Variants in RBM46 observed in about 807,000 individuals in gnomAD.
RBM46 encodes the protein probable RNA-binding protein 46.
Under a neutral mutation model 43.3 loss-of-function variants are expected in RBM46, and 12 were observed. The ratio of observed to expected loss-of-function variants is 0.28; its 90% CI spans 0.18 to 0.45. RBM46 has a LOEUF of 0.45. RBM46 is among the 20% of genes least tolerant of loss of function. The pLI is 1.00. For missense variants in RBM46, 412 were observed against 639.1 expected, an observed-to-expected ratio of 0.64 and a Z score of 3.83; for synonymous variants, 205 against 207.6, an observed-to-expected ratio of 0.99 and a Z score of 0.11.
intron 4 of RBM46, among the ~76,000 whole-genome samples, chr4:154,818,164 A>C (rs1735547793): frequency 6.6e-6 from 1 of 152,182 alleles, no homozygotes; most frequent in African/African-American, 2.4e-5. Context: ...ATATTGATTT[A>C]CACATTTATC....
chr4:154,801,422 C>G (rs1734633675), intron 4 of RBM46, among the ~76,000 whole-genome samples: 1 of 152,086 alleles, frequency 6.6e-6, no homozygotes, highest in Non-Finnish European at 1.5e-5. Context: ...TCTATTGATG[C>G]ACAAAATAGA....
intron 4 of RBM46, among the ~76,000 whole-genome samples, chr4:154,818,750 A>G (rs1475215123): frequency 1.3e-5 from 2 of 151,966 alleles, no homozygotes; most frequent in African/African-American, 4.8e-5. Flanking sequence ...TATTGATTAT[A>G]TTTCTTCTGT....
At chr4:154,823,907 T>C (rs1735833290) in intron 4 of RBM46, among the ~76,000 whole-genome samples, 1 of 152,040 alleles carries the variant, frequency 6.6e-6, no homozygotes, top group Non-Finnish European at 1.5e-5. Context: ...TCTTTCTGAA[T>C]CTAGAATTCC....
chr4:154,824,474 A>G (rs1457536759), intron 4 of RBM46, among the ~76,000 whole-genome samples: 2 of 152,136 alleles, frequency 1.3e-5, no homozygotes, highest in Non-Finnish European at 2.9e-5. Context: ...CAAATAGATA[A>G]TGAAATTGAA....
intron 4 of RBM46, among the ~76,000 whole-genome samples, chr4:154,810,584 G>A (rs1244429236): frequency 6.6e-6 from 1 of 152,130 alleles, no homozygotes; most frequent in Non-Finnish European, 1.5e-5. Context: ...AAAGAGCAAA[G>A]TTTTAAGGAG....
At chr4:154,825,670 A>G (rs1735923176) in intron 4 of RBM46, among the ~76,000 whole-genome samples, 1 of 152,206 alleles carries the variant, frequency 6.6e-6, no homozygotes, top group African/African-American at 2.4e-5. Flanking sequence ...CTTAAGTTCA[A>G]GGTTTACAGT....
rs1021715898 is a variant in RBM46 at position 154,826,427 on chromosome 4, C to T, written c.1403-1441C>T. Among the ~76,000 whole-genome samples, 68 of 152,062 alleles carry T rather than the reference C, an allele frequency of 4.5e-4. 1 individual carries two copies. The highest frequency in any genetic ancestry group is 1.5e-4 in the Non-Finnish European group (10 of 68,026). ...GAGCTGAGACCGCACCATTGCACCC[C>T]AGCTTGGGCAACAAGAGTGAAACTC... On this transcript the variant is annotated intron_variant, in intron 4 of 4. Transcript: ENST00000281722.
In RBM46 at chr4:154,798,106, C is replaced by T; in HGVS notation, c.447C>T (p.Pro149=). The T allele has an allele frequency of 1.9e-6, 3 of 1,613,480 alleles. No homozygotes were observed. Among genetic ancestry groups the T allele is most frequent in the Non-Finnish European group, 2.5e-6 (3 of 1,179,822 alleles). Residue 149 remains proline (P), a synonymous_variant, in exon 3 of 5, where the codon CCC becomes CCT. Coordinates refer to ENST00000281722, the MANE Select transcript of RBM46 (RefSeq NM_144979.5). The part of the protein sequence containing the change: ...DNCRLFIGAI[P]KEKKKEEILD... ...GTAGATTATTTATTGGAGCTATTCC[C>T]AAGGAAAAGAAGAAAGAAGAAATTT...
At chr4:154,784,014 A>G (rs1352437019) in intron 1 of RBM46, among the ~76,000 whole-genome samples, 2 of 152,128 alleles carry the variant, frequency 1.3e-5, no homozygotes, top group African/African-American at 4.8e-5. Flanking sequence ...TTGACCTGGC[A>G]ACCATTGACC....
chr4:154,787,255 A>G (rs1445008117), intron 1 of RBM46: 1 of 151,926 alleles, frequency 6.6e-6, no homozygotes, highest in Non-Finnish European at 1.5e-5. Context: ...GGTTTGTTAC[A>G]TATGTACACA....
At chr4:154,827,120 G>A (rs1736004746) in intron 4 of RBM46, 2 of 1,006,278 alleles carry the variant, frequency 2.0e-6, no homozygotes, top group African/African-American at 3.4e-5. Context: ...AATGAAACAG[G>A]AAATTATTGA....
chr4:154,790,875 C>A (rs1409413529), intron 1 of RBM46, among the ~76,000 whole-genome samples: 1 of 152,104 alleles, frequency 6.6e-6, no homozygotes, highest in Non-Finnish European at 1.5e-5. Flanking sequence ...TAAGTTGATT[C>A]TAAATTCGGA....
intron 4 of RBM46, among the ~76,000 whole-genome samples, chr4:154,812,185 G>C (rs1735212394): frequency 6.6e-6 from 1 of 152,028 alleles, no homozygotes; most frequent in Non-Finnish European, 1.5e-5. Flanking sequence ...ACAGACAGTG[G>C]ACTTGTGAAA....
At chr4:154,827,340 G>A in intron 4 of RBM46, 1 of 969,800 alleles carries the variant, frequency 1.0e-6, no homozygotes, top group African/African-American at 1.8e-5. Flanking sequence ...AAATCAGTAT[G>A]TTGAGTTAGA....
chr4:154,815,216 C>A (rs191902992), intron 4 of RBM46, among the ~76,000 whole-genome samples: 1 of 151,920 alleles, frequency 6.6e-6, no homozygotes, highest in African/African-American at 2.4e-5. Flanking sequence ...ATATAACTTG[C>A]TGTCTTTGTT....
At position 154,828,333 on chromosome 4, in the gene RBM46, C is replaced by A; in HGVS notation, c.*266C>A. The A allele has an allele frequency of 6.1e-6, 2 of 328,606 alleles. No individual in the cohort carries two copies. Among genetic ancestry groups the A allele is most frequent in the Non-Finnish European group, 1.1e-5 (2 of 181,040 alleles). The allele number at this position is 328,606 out of a possible 1,614,324, so 20.4% of individuals were successfully genotyped here. A position where few individuals can be genotyped will look rare whatever the true frequency, so the allele number is the denominator to read the frequency against. ...CTTTTTAAACTTCTAGGATTTTCTT[C>A]TACTTTCTGAGTGGGCAATAGAACC... On this transcript the variant is annotated 3_prime_UTR_variant, in exon 5 of 5. Transcript: ENST00000281722.
chr4:154,797,375 CCTCAATGGCTGTAG>C (rs1472992249), intron 2 of RBM46, among the ~76,000 whole-genome samples: 1 of 152,176 alleles, frequency 6.6e-6, no homozygotes, highest in Non-Finnish European at 1.5e-5. Flanking sequence ...CTTCTGGGTA[CCTCAATGGCTGTAG>C]CACTTACCAC....
intron 1 of RBM46, among the ~76,000 whole-genome samples, chr4:154,782,993 T>G (rs1340033531): frequency 6.6e-6 from 1 of 152,242 alleles, no homozygotes. Context: ...GACTTCCATT[T>G]GGATCTTTTC....
chr4:154,810,516 C>T (rs1735123396), intron 4 of RBM46, among the ~76,000 whole-genome samples: 1 of 151,870 alleles, frequency 6.6e-6, no homozygotes, highest in Non-Finnish European at 1.5e-5. Flanking sequence ...AGTGCTCGCA[C>T]GTGGAAAAAA....
Sources: gnomAD v4.1 joint callset for allele counts (sites outside exome capture counted in the v4.1 genomes callset) on GRCh38, gnomAD v4.1.1 for gene constraint, MANE v1.5 for transcripts, NCBI Gene and HGNC (gene_info 2026-07-23, HGNC 2026-07-21) for gene names.